ZNF414: variants seen among roughly 807,000 people sequenced by gnomAD.
ZNF414 encodes zinc finger protein 414.
ZNF414 carries 32 observed loss-of-function variants against 38.3 expected under a neutral mutation model. The ratio of observed to expected loss-of-function variants is 0.83; its 90% CI spans 0.63 to 1.12. The LOEUF is 1.12. Ranked by LOEUF, ZNF414 falls within the 50% of genes most tolerant of loss-of-function variation. The pLI is 0.00. For missense variants in ZNF414, 589 were observed against 557.4 expected, an observed-to-expected ratio of 1.06 and a Z score of -0.57; for synonymous variants, 256 against 248.0, an observed-to-expected ratio of 1.03 and a Z score of -0.30.
In ZNF414 at chr19:8,510,594, G is replaced by A. The variant is rs1204839089; in HGVS notation, c.*97C>T. Reference sequence around the variant, plus strand: ...AACACAGCATAGGCTGGCTCATGGCGCCTTCTTTATTGTCCACCCCAGCCC... The same window carrying A: ...AACACAGCATAGGCTGGCTCATGGCACCTTCTTTATTGTCCACCCCAGCCC... On this transcript the variant is annotated 3_prime_UTR_variant, in exon 8 of 8. Transcript: ENST00000393927. 7.4e-6 allele frequency: 10 copies of A among 1,354,214 alleles called. No individual in the cohort carries two copies. The highest frequency in any genetic ancestry group is 1.4e-5 in the South Asian group (1 of 72,824). 83.9% of individuals were successfully genotyped at this position (1,354,214 alleles called of 1,614,324 possible).
chr19:8,511,081 C>G (rs1312543237), intron 6 of ZNF414, 57 bp from the exon 7 acceptor site: 8 of 1,284,666 alleles, frequency 6.2e-6, no homozygotes, highest in Non-Finnish European at 7.9e-6. Context: ...AAGACCCGTG[C>G]GCCAAGGATG....
chr19:8,511,907 A>T lies in ZNF414; in HGVS notation c.584T>A (p.Leu195Gln). The T allele has an allele frequency of 7.1e-7, 1 of 1,412,764 alleles. No homozygotes were observed. The highest frequency in any genetic ancestry group is 9.2e-7 in the Non-Finnish European group (1 of 1,090,942). The allele number at this position is 1,412,764 out of a possible 1,614,324, so 87.5% of individuals were successfully genotyped here. The change falls in exon 5 of 8, where the codon CTG becomes CAG. Residue 195 changes from leucine to glutamine, a missense_variant. Physicochemically the swap from Leu to Gln is moderately radical, Grantham distance 113. Transcript: ENST00000393927. ...FRTHRSLFKHLHVCAEHAQSP... is the reference protein window; with the variant it reads ...FRTHRSLFKHQHVCAEHAQSP... ...CTGCGCATGCTCCGCGCAAACATGC[A>T]GGTGCTTGAAGAGCGAGCGGTGCGT...
Position 8,510,573 on chromosome 19 carries a change from C to T in ZNF414, c.*118G>A, listed in dbSNP as rs552691232. 325 of 1,187,336 alleles carry T rather than the reference C, an allele frequency of 2.7e-4. No individual in the cohort carries two copies. The highest frequency in any genetic ancestry group is 3.7e-4 in the Non-Finnish European group (314 of 856,202). The allele number at this position is 1,187,336 out of a possible 1,614,324, so 73.6% of individuals were successfully genotyped here. A position where few individuals can be genotyped will look rare whatever the true frequency, so the allele number is the denominator to read the frequency against. ...TTTGGATGGACAAGGGATGGGAACA[C>T]AGCATAGGCTGGCTCATGGCGCCTT... On this transcript the variant is annotated 3_prime_UTR_variant, in exon 8 of 8. Coordinates refer to ENST00000393927, the MANE Select transcript of ZNF414 (RefSeq NM_001146175.2).
Position 8,513,297 on chromosome 19 carries a change from T to C in ZNF414, c.48A>G (p.Ala16=). 6.3e-7 allele frequency: 1 copy of C among 1,596,870 alleles called. No homozygotes were observed. The part of the protein sequence containing the change: ...SGPIPDMLAT[A]EPSSSETDKE... ...TGTCGGTCTCACTGGAGCTGGGCTC[T>C]GCAGTGGCCAGCATGTCTGGGATGG... The change falls in exon 2 of 8, where the codon GCA becomes GCG. Residue 16 remains alanine (A), a synonymous_variant. Coordinates refer to ENST00000393927, the MANE Select transcript of ZNF414 (RefSeq NM_001146175.2).
chr19:8,510,807 T>C, intron 7 of ZNF414, 43 bp from the exon 8 acceptor site: 1 of 1,500,720 alleles, frequency 6.7e-7, no homozygotes, highest in Non-Finnish European at 9.0e-7. Flanking sequence ...CTCAGCGCCT[T>C]GGGCCCCCGC....
At chr19:8,511,321 G>T in intron 6 of ZNF414, 165 bp downstream of exon 6, 2 of 1,442,442 alleles carry the variant, frequency 1.4e-6, no homozygotes, top group East Asian at 2.6e-5. Flanking sequence ...AGATGAAGGC[G>T]CAGGTGCCAG....
rs11667185 is a variant in ZNF414 at position 8,510,010 on chromosome 19, A to G, written c.*681T>C. ...GGGACTTCTTAAAAGAAAACTGGAGACCGGGCGTGGTGGCTCACGCCTGTA... is the reference window on the plus strand; with the variant it reads ...GGGACTTCTTAAAAGAAAACTGGAGGCCGGGCGTGGTGGCTCACGCCTGTA... On this transcript the variant is annotated 3_prime_UTR_variant, in exon 8 of 8. Coordinates refer to ENST00000393927, the MANE Select transcript of ZNF414 (RefSeq NM_001146175.2). 30,204 of 151,056 alleles carry G rather than the reference A, an allele frequency of 0.2. 3,313 individuals carry two copies. Among genetic ancestry groups the G allele is most frequent in the African/African-American group, 0.28 (11,593 of 41,302 alleles). The allele number at this position is 151,056 out of a possible 1,614,324, so 9.4% of individuals were successfully genotyped here.
chr19:8,512,262 T>TC lies in ZNF414; in HGVS notation c.530+124dup, dbSNP rs1971928542. Reference sequence around the variant, plus strand: ...CATCCAGGGAGTTGAGGGCGGGGCTTCCCCAAAGGCCCACCCACATCAAGT... The same window carrying TC: ...CATCCAGGGAGTTGAGGGCGGGGCTTCCCCCAAAGGCCCACCCACATCAAGT... On this transcript the variant is annotated intron_variant, in intron 4 of 7. Transcript: ENST00000393927. The TC allele has an allele frequency of 3.4e-6, 5 of 1,464,090 alleles. No homozygotes were observed. In the Admixed American group the frequency reaches 6.7e-5, roughly 20 times the overall value. 90.7% of individuals were successfully genotyped at this position (1,464,090 alleles called of 1,614,324 possible).
Position 8,512,715 on chromosome 19 carries a change from C to T in ZNF414, c.317-4G>A. On this transcript the variant is annotated splice_polypyrimidine_tract_variant and splice_region_variant and intron_variant, in intron 2 of 7. Transcript: ENST00000393927. ...CTGGAGCAAGGGATTTGCTTCCCTG[C>T]AGGACGCACAGAACAGTGGTCACTG... The T allele has an allele frequency of 1.3e-6, 2 of 1,516,878 alleles. No homozygotes were observed. Among genetic ancestry groups the T allele is most frequent in the Admixed American group, 2.2e-5 (1 of 44,972 alleles). 94.0% of individuals were successfully genotyped at this position (1,516,878 alleles called of 1,614,324 possible).
At chr19:8,512,334 C>G (rs1412347102) in intron 4 of ZNF414, 53 bp downstream of exon 4, 1 of 1,594,916 alleles carries the variant, frequency 6.3e-7, no homozygotes, top group Non-Finnish European at 8.6e-7. Flanking sequence ...GCCTGGAGCC[C>G]ACACATAGGG....
Position 8,509,831 on chromosome 19 carries a change from G to T in ZNF414, c.*860C>A. Reference sequence around the variant, plus strand: ...CTCCCAAGTAGCTGGGACTACAGGTGTGCGCCACCACACCTGGCTAATTTT... The same window carrying T: ...CTCCCAAGTAGCTGGGACTACAGGTTTGCGCCACCACACCTGGCTAATTTT... On this transcript the variant is annotated 3_prime_UTR_variant, in exon 8 of 8. Transcript: ENST00000393927. The T allele has an allele frequency of 6.6e-6, 1 of 151,976 alleles. No homozygotes were observed. The highest frequency in any genetic ancestry group is 2.4e-5 in the African/African-American group (1 of 41,424). 9.4% of individuals were successfully genotyped at this position (151,976 alleles called of 1,614,324 possible).
At position 8,510,579 on chromosome 19, in the gene ZNF414, A is replaced by G; in HGVS notation, c.*112T>C. The G allele has an allele frequency of 8.1e-7, 1 of 1,231,272 alleles. No homozygotes were observed. Among genetic ancestry groups the G allele is most frequent in the Non-Finnish European group, 1.1e-6 (1 of 890,410 alleles). 76.3% of individuals were successfully genotyped at this position (1,231,272 alleles called of 1,614,324 possible). The stretch of plus-strand genomic sequence containing the variant: ...TGGACAAGGGATGGGAACACAGCAT[A>G]GGCTGGCTCATGGCGCCTTCTTTAT... On this transcript the variant is annotated 3_prime_UTR_variant, in exon 8 of 8. Transcript: ENST00000393927.
At position 8,510,719 on chromosome 19, in the gene ZNF414, C is replaced by A. The variant is rs2145805646; in HGVS notation, c.1145G>T (p.Gly382Val). The change falls in exon 8 of 8, where the codon GGG (glycine) becomes GTG (valine). Residue 382 changes from glycine to valine, a missense_variant. Coordinates refer to ENST00000393927, the MANE Select transcript of ZNF414 (RefSeq NM_001146175.2). The part of the protein sequence containing the change: ...APKVSPLLSE[G>V]ELPVFSQL Reference sequence around the variant, plus strand: ...GAGCTGCGAGAACACTGGAAGCTCCCCCTCTGACAGCAGCGGCGACACCTT... The same window carrying A: ...GAGCTGCGAGAACACTGGAAGCTCCACCTCTGACAGCAGCGGCGACACCTT... 5 of 1,549,528 alleles carry A rather than the reference C, an allele frequency of 3.2e-6. No homozygotes were observed. The highest frequency in any genetic ancestry group is 4.4e-6 in the Non-Finnish European group (5 of 1,145,824).
Position 8,512,457 on chromosome 19 carries a change from CG to C in ZNF414, c.459del (p.Glu154ArgfsTer104). On this transcript the variant is annotated frameshift_variant, in exon 4 of 8. Transcript: ENST00000393927. LOFTEE classifies it high-confidence loss of function. The part of the protein sequence containing the change: ...KLFRCSALSC[T>X]ETFPSMQELV... ...AGCTCCTGCATGCTGGGGAAGGTCT[CG>C]GTGCAGCTCAGGGCTGAGCAGCGGA... 1 of 1,614,126 alleles carries C rather than the reference CG, an allele frequency of 6.2e-7. No homozygotes were observed. The highest frequency in any genetic ancestry group is 8.5e-7 in the Non-Finnish European group (1 of 1,180,022).
chr19:8,511,500 G>A lies in ZNF414; in HGVS notation c.911C>T (p.Ser304Phe), dbSNP rs143276172. 4.3e-6 allele frequency: 7 copies of A among 1,610,160 alleles called. No homozygotes were observed. The African/African-American group carries it at 9.4e-5, about 22-fold the overall frequency. Residue 304 changes from serine to phenylalanine, a missense_variant, in exon 6 of 8, where the codon TCC becomes TTC. Transcript: ENST00000393927. Reference protein sequence around the residue: ...GSSPRRPQGGSDAPSGHAAPS... With the variant: ...GSSPRRPQGGFDAPSGHAAPS... ...CCTGCACGCACCTGAGGGCGCGTCG[G>A]AGCCGCCCTGGGGTCTTCGGGGGCT...
At position 8,510,294 on chromosome 19, in the gene ZNF414, GAAAAAAAAAAAAAGAA is replaced by G. The variant is rs1267379995; in HGVS notation, c.*381_*396del. Reference sequence around the variant, plus strand: ...GACAGAGCAAGACTGTCTCAAAAAAGAAAAAAAAAAAAAGAAAAAAAAAAAAAAAGAAAACTGGAGA... The same window carrying G: ...GACAGAGCAAGACTGTCTCAAAAAAGAAAAAAAAAAAAAGAAAACTGGAGA... On this transcript the variant is annotated 3_prime_UTR_variant, in exon 8 of 8. Transcript: ENST00000393927. The G allele has an allele frequency of 0.033, 834 of 25,576 alleles. 11 individuals carry two copies. The highest frequency in any genetic ancestry group is 0.083 in the African/African-American group (784 of 9,422). The allele number at this position is 25,576 out of a possible 1,614,324, so 1.6% of individuals were successfully genotyped here.
In ZNF414 at chr19:8,513,018, T is replaced by C. The variant is rs1324812915; in HGVS notation, c.316+11A>G. On this transcript the variant is annotated intron_variant, in intron 2 of 7. Transcript: ENST00000393927. ...GACTGTGATTCCCCAGAAGACCCCATCACAGATCACCTGGAGGTGGGCGTC... is the reference window on the plus strand; with the variant it reads ...GACTGTGATTCCCCAGAAGACCCCACCACAGATCACCTGGAGGTGGGCGTC... 4.1e-6 allele frequency: 6 copies of C among 1,451,880 alleles called. No individual in the cohort carries two copies. The highest frequency in any genetic ancestry group is 1.8e-4 in the Middle Eastern group (1 of 5,474). The allele number at this position is 1,451,880 out of a possible 1,614,324, so 89.9% of individuals were successfully genotyped here. A position where few individuals can be genotyped will look rare whatever the true frequency, so the allele number is the denominator to read the frequency against.
intron 7 of ZNF414, 30 bp downstream of exon 7, chr19:8,510,821 C>T (rs1452745812): frequency 6.8e-7 from 1 of 1,473,582 alleles, no homozygotes; most frequent in Non-Finnish European, 9.1e-7. Context: ...CCCCCGCCCC[C>T]CTCTCCACCC....
At chr19:8,510,786 G>A in intron 7 of ZNF414, 22 bp from the exon 8 acceptor site, 6 of 1,535,378 alleles carry the variant, frequency 3.9e-6, no homozygotes, top group Non-Finnish European at 5.3e-6. Flanking sequence ...AGAGGAGGGG[G>A]GCGCCTGAGC....
Sources: gnomAD v4.1 joint callset for allele counts on GRCh38, gnomAD v4.1.1 for gene constraint, MANE v1.5 for transcripts, NCBI Gene and HGNC (gene_info 2026-07-23, HGNC 2026-07-21) for gene names.